The following USH2A variants were observed in gnomAD, a reference collection of about 807,000 sequenced individuals.
USH2A encodes the protein Usher syndrome 2A (autosomal recessive, mild).
In USH2A, 443 loss-of-function variants were observed where a neutral mutation model predicts 538.9. The observed-to-expected ratio is 0.82, with a 90% CI of 0.76 to 0.89. The LOEUF is 0.89. Ranked by LOEUF, USH2A falls within the 40% of genes least tolerant of loss-of-function variation. USH2A has a pLI of 0.00. For missense variants in USH2A, 6,633 were observed against 6,324.8 expected, an observed-to-expected ratio of 1.05 and a Z score of -1.65; for synonymous variants, 2,413 against 2,273.5, an observed-to-expected ratio of 1.06 and a Z score of -1.75.
At chr1:215,818,779 T>A (rs1418890807) in intron 47 of USH2A, among the ~76,000 whole-genome samples, 2 of 151,846 alleles carry the variant, frequency 1.3e-5, no homozygotes, top group Non-Finnish European at 2.9e-5. Context: ...TTAGGTCTAC[T>A]TGCCAGAAAA....
chr1:216,289,944 A>G (rs550341667), intron 10 of USH2A, among the ~76,000 whole-genome samples: 3 of 152,256 alleles, frequency 2.0e-5, no homozygotes, highest in African/African-American at 7.2e-5. Context: ...CATTTCAAAG[A>G]TTGAAATAGA....
At chr1:216,270,708 C>T (rs2036557932) in intron 11 of USH2A, among the ~76,000 whole-genome samples, 1 of 65,132 alleles carries the variant, frequency 1.5e-5, no homozygotes. Context: ...TCATTCATTC[C>T]AATTTTTTTT....
At chr1:216,027,406 C>T (rs547975442) in intron 32 of USH2A, among the ~76,000 whole-genome samples, 48 of 152,286 alleles carry the variant, frequency 3.2e-4, no homozygotes, top group Middle Eastern at 3.4e-3. Context: ...TAAGACAATA[C>T]ATTCCTGTTG....
At chr1:216,140,438 TTTA>T (rs1157765091) in intron 21 of USH2A, among the ~76,000 whole-genome samples, 4 of 152,230 alleles carry the variant, frequency 2.6e-5, no homozygotes, top group African/African-American at 9.7e-5. Context: ...TTCTTGGTAA[TTTA>T]TTGTTTTCAA....
At chr1:215,683,216 T>TACACACACACACACACAC (rs71167830) in intron 61 of USH2A, among the ~76,000 whole-genome samples, 2 of 149,578 alleles carry the variant, frequency 1.3e-5, no homozygotes, top group African/African-American at 5.0e-5. Flanking sequence ...AATAGTTTTA[T>TACACACACACACACACAC]ACACACACAC....
At chr1:215,763,726 G>T (rs1178874676) in intron 56 of USH2A, among the ~76,000 whole-genome samples, 1 of 152,096 alleles carries the variant, frequency 6.6e-6, no homozygotes, top group African/African-American at 2.4e-5. Flanking sequence ...AAAGAATCAG[G>T]ATGTGGGATG....
At chr1:216,263,632 C>A (rs1204920724) in intron 11 of USH2A, among the ~76,000 whole-genome samples, 3 of 151,982 alleles carry the variant, frequency 2.0e-5, no homozygotes, top group Non-Finnish European at 4.4e-5. Context: ...ATAATAAAGG[C>A]CATATATGAC....
intron 37 of USH2A, among the ~76,000 whole-genome samples, chr1:215,957,608 G>A (rs1667101085): frequency 6.6e-6 from 1 of 151,910 alleles, no homozygotes; most frequent in Non-Finnish European, 1.5e-5. Flanking sequence ...CAGAATATGT[G>A]GGCATAAAAA....
chr1:216,204,928 C>A (rs987381007), intron 16 of USH2A, among the ~76,000 whole-genome samples: 6 of 151,970 alleles, frequency 3.9e-5, no homozygotes, highest in African/African-American at 1.5e-4. Flanking sequence ...GGAAATGATA[C>A]CTTGTTTAAT....
At chr1:215,663,477 G>A (rs190667230) in intron 64 of USH2A, among the ~76,000 whole-genome samples, 7 of 152,342 alleles carry the variant, frequency 4.6e-5, no homozygotes, top group Non-Finnish European at 7.3e-5. Flanking sequence ...CACAAGGATT[G>A]TCAATATCTC....
chr1:216,088,182 G>A lies in USH2A; in HGVS notation c.4885+831C>T, dbSNP rs1010650604. Among the ~76,000 whole-genome samples the A allele has an allele frequency of 6.6e-4, 101 of 152,074 alleles. 2 individuals are homozygous for A. The highest frequency in any genetic ancestry group is 2.3e-3 in the African/African-American group (94 of 41,498). ...CATCCTCTTCCTGGATATTTACATG[G>A]TTTCCCCTTTGTCCCTTTAGGTCTC... is the stretch of plus-strand genomic sequence containing the variant. On this transcript the variant is annotated intron_variant, in intron 23 of 71. Transcript: ENST00000307340.
intron 30 of USH2A, among the ~76,000 whole-genome samples, chr1:216,067,399 A>G (rs1176571080): frequency 6.6e-6 from 1 of 151,946 alleles, no homozygotes; most frequent in East Asian, 1.9e-4. Flanking sequence ...CATGTATCCC[A>G]GAACTTAAAG....
At chr1:216,202,758 C>G (rs2102473290) in intron 16 of USH2A, among the ~76,000 whole-genome samples, 1 of 152,238 alleles carries the variant, frequency 6.6e-6, no homozygotes, top group South Asian at 2.1e-4. Flanking sequence ...TATTTCATGA[C>G]CATCACGCTT....
chr1:216,296,940 G>A (rs1251146053), intron 9 of USH2A, among the ~76,000 whole-genome samples: 4 of 151,668 alleles, frequency 2.6e-5, no homozygotes, highest in Non-Finnish European at 5.9e-5. Context: ...TTTCCTAACT[G>A]CAAAAAGGCC....
chr1:216,278,211 C>T (rs1390517822), intron 11 of USH2A, among the ~76,000 whole-genome samples: 1 of 151,948 alleles, frequency 6.6e-6, no homozygotes, highest in African/African-American at 2.4e-5. Context: ...ATACCTGGGC[C>T]CTTGTGATGA....
At chr1:216,106,739 G>A (rs1446000708) in intron 21 of USH2A, among the ~76,000 whole-genome samples, 1 of 151,680 alleles carries the variant, frequency 6.6e-6, no homozygotes, top group Non-Finnish European at 1.5e-5. Context: ...GTTTTAAGAA[G>A]AAGCTTAGGA....
intron 11 of USH2A, among the ~76,000 whole-genome samples, chr1:216,279,441 C>T (rs902307036): frequency 6.6e-6 from 1 of 152,058 alleles, no homozygotes; most frequent in African/African-American, 2.4e-5. Flanking sequence ...AACTCCCCTA[C>T]CCCCATCTAC....
chr1:216,224,649 C>T (rs1484416357), intron 14 of USH2A, among the ~76,000 whole-genome samples: 4 of 151,936 alleles, frequency 2.6e-5, no homozygotes, highest in Non-Finnish European at 4.4e-5. Flanking sequence ...AGTTTAGGGC[C>T]GAGGTCTATT....
intron 35 of USH2A, among the ~76,000 whole-genome samples, chr1:215,981,076 A>G (rs1382675050): frequency 6.6e-6 from 1 of 152,132 alleles, no homozygotes; most frequent in Admixed American, 6.6e-5. Context: ...TCATTGTTCT[A>G]TATCCTCAAA....
Sources: gnomAD v4.1 joint callset for allele counts (sites outside exome capture counted in the v4.1 genomes callset) on GRCh38, gnomAD v4.1.1 for gene constraint, MANE v1.5 for transcripts, NCBI Gene and HGNC (gene_info 2026-07-23, HGNC 2026-07-21) for gene names.